The following ALDH1L1 variants were observed in gnomAD, a reference collection of about 807,000 sequenced individuals.
ALDH1L1 encodes the protein cytosolic 10-formyltetrahydrofolate dehydrogenase.
Under a neutral mutation model 101.1 loss-of-function variants are expected in ALDH1L1, and 68 were observed. The observed-to-expected ratio is 0.67, with a 90% confidence interval of 0.55 to 0.82. ALDH1L1 has a LOEUF of 0.82. Among genes scored for constraint, ALDH1L1 ranks in the 40% least tolerant of loss-of-function variants. The pLI, the probability that ALDH1L1 is intolerant of heterozygous loss-of-function variation, is 0.00. For missense variants in ALDH1L1, 1,087 were observed against 1,172.7 expected (o/e 0.93, Z 1.07); for synonymous variants, 486 against 470.8 (o/e 1.03, Z -0.42).
At chr3:126,123,635 C>CAAAAAAAAAA (rs10652286) in intron 16 of ALDH1L1, among the ~76,000 whole-genome samples, 1 of 128,870 alleles carries the variant, frequency 7.8e-6, no homozygotes, top group Non-Finnish European at 1.6e-5. Flanking sequence ...CAAAAAGCTG[C>CAAAAAAAAAA]AAAAAAAAAA....
At chr3:126,124,593 G>A (rs964404870) in intron 15 of ALDH1L1, 142 bp from the exon 16 acceptor site, 70 of 709,526 alleles carry the variant, frequency 9.9e-5, no homozygotes, top group Middle Eastern at 3.5e-4. Flanking sequence ...GAAGACCCCA[G>A]GAAAGCCACC....
chr3:126,169,532 G>T (rs7625575), intron 1 of ALDH1L1, among the ~76,000 whole-genome samples: 54,291 of 152,036 alleles, frequency 0.36, 10,180 homozygotes, highest in Middle Eastern at 0.47. Flanking sequence ...TATTTTGTGT[G>T]CACAGTCCCT....
At chr3:126,150,937 G>A (rs770157748) in intron 7 of ALDH1L1, 6 of 184,780 alleles carry the variant, frequency 3.2e-5, no homozygotes, top group East Asian at 3.1e-4. Flanking sequence ...TGTGCTGGGC[G>A]CTCCAGCCTT....
chr3:126,184,123 A>T (rs567696595), upstream of ALDH1L1, among the ~76,000 whole-genome samples: 1 of 152,210 alleles, frequency 6.6e-6, no homozygotes, highest in Non-Finnish European at 1.5e-5. Flanking sequence ...TTCATAGACC[A>T]GAGAGAGAAG....
chr3:126,157,283 A>G, intron 4 of ALDH1L1, 60 bp downstream of exon 4: 1 of 1,562,212 alleles, frequency 6.4e-7, no homozygotes, highest in Non-Finnish European at 8.7e-7. Context: ...GGCTGGGTCT[A>G]GGGAGGATGC....
In ALDH1L1 at chr3:126,117,923, GAC is replaced by G. The variant is rs1354861020; in HGVS notation, c.1982+80_1982+81del. ...CTGTGCCCTGGAGCCTGGGAAGCAG[GAC>G]ACAGCTCCTGGGACAGCACTGCCAT... On this transcript the variant is annotated intron_variant, in intron 17 of 22. Coordinates refer to ENST00000393434, the MANE Select transcript of ALDH1L1 (RefSeq NM_012190.4). The G allele has an allele frequency of 7.4e-6, 10 of 1,351,384 alleles. No homozygotes were observed. In the African/African-American group the frequency reaches 1.0e-4, roughly 14 times the overall value. The allele number at this position is 1,351,384 out of a possible 1,614,324, so 83.7% of individuals were successfully genotyped here.
At chr3:126,181,631 A>C, upstream of ALDH1L1, 1 of 154,250 alleles carries the variant, frequency 6.5e-6, no homozygotes, top group Non-Finnish European at 1.4e-5. Flanking sequence ...ACAGCACTTA[A>C]CTGTATATCT....
At chr3:126,154,996 C>T (rs1000503724) in intron 5 of ALDH1L1, among the ~76,000 whole-genome samples, 1 of 152,196 alleles carries the variant, frequency 6.6e-6, no homozygotes, top group Admixed American at 6.5e-5. Flanking sequence ...AACCCATACT[C>T]CTGAGCTGAG....
chr3:126,105,727 T>C lies in ALDH1L1; in HGVS notation c.2652A>G (p.Leu884=). ...ACCCCACAGGCAGGAGTAGGTTACCTAGATCTTTGCCAAATCCAGACTGTT... is the reference window on the plus strand; with the variant it reads ...ACCCCACAGGCAGGAGTAGGTTACCCAGATCTTTGCCAAATCCAGACTGTT... The part of the protein sequence containing the change: ...GFKQSGFGKD[L]GEAALNEYLR... The change falls in exon 22 of 23, where the codon CTA becomes CTG. Residue 884 remains leucine, a splice_region_variant and synonymous_variant. Coordinates refer to ENST00000393434, the MANE Select transcript of ALDH1L1 (RefSeq NM_012190.4). 1.2e-6 allele frequency: 2 copies of C among 1,614,208 alleles called. No individual in the cohort carries two copies. The highest frequency in any genetic ancestry group is 1.7e-6 in the Non-Finnish European group (2 of 1,180,024).
At chr3:126,112,238 G>C (rs1946100965) in intron 19 of ALDH1L1, among the ~76,000 whole-genome samples, 1 of 152,214 alleles carries the variant, frequency 6.6e-6, no homozygotes, top group South Asian at 2.1e-4. Context: ...GCCATGCAAG[G>C]TGGCTGCAGA....
rs990912047 is a variant in ALDH1L1 at position 126,177,620 on chromosome 3, C to T, written c.-24+2856G>A. ...GGCAGTGAAACTATTCTCTATGATA[C>T]TGTAACACTGGATACTCATCATTAT... On this transcript the variant is annotated intron_variant, in intron 1 of 22. Coordinates refer to ENST00000393434, the MANE Select transcript of ALDH1L1 (RefSeq NM_012190.4). Among the ~76,000 whole-genome samples the T allele has an allele frequency of 5.3e-5, 8 of 152,256 alleles. No homozygotes were observed. The South Asian group carries it at 6.2e-4, about 12-fold the overall frequency.
At chr3:126,149,753 C>G (rs569303826) in intron 8 of ALDH1L1, among the ~76,000 whole-genome samples, 2 of 152,290 alleles carry the variant, frequency 1.3e-5, no homozygotes, top group Admixed American at 6.5e-5. Flanking sequence ...CATGGTGACT[C>G]CCTGAACACA....
In ALDH1L1 at chr3:126,124,734, C is replaced by G. The variant is rs141588909; in HGVS notation, c.1801-283G>C. Among the ~76,000 whole-genome samples, 727 of 152,322 alleles carry G rather than the reference C, an allele frequency of 4.8e-3. 6 individuals carry two copies. The highest frequency in any genetic ancestry group is 0.016 in the African/African-American group (660 of 41,560). On this transcript the variant is annotated intron_variant, in intron 15 of 22. Coordinates refer to ENST00000393434, the MANE Select transcript of ALDH1L1 (RefSeq NM_012190.4). Reference sequence around the variant, plus strand: ...GGCCAGGCCTGGGTTCCCTTCTGCACAGCATAAGTTTCTAAAGCCAGAGGT... The same window carrying G: ...GGCCAGGCCTGGGTTCCCTTCTGCAGAGCATAAGTTTCTAAAGCCAGAGGT...
intron 16 of ALDH1L1, 35 bp from the exon 17 acceptor site, chr3:126,118,133 C>A (rs1427848094): frequency 1.3e-6 from 2 of 1,569,854 alleles, no homozygotes; most frequent in Non-Finnish European, 1.7e-6. Flanking sequence ...TCAGAGTGGT[C>A]CCCCTGGTGC....
At chr3:126,144,298 A>G in intron 9 of ALDH1L1, among the ~76,000 whole-genome samples, 1 of 152,236 alleles carries the variant, frequency 6.6e-6, no homozygotes, top group Admixed American at 6.5e-5. Context: ...AAAGTTATGT[A>G]CAATTTTTAT....
At chr3:126,191,607 G>C (rs1193365402) in intron 1 of ALDH1L1, among the ~76,000 whole-genome samples, 1 of 152,224 alleles carries the variant, frequency 6.6e-6, no homozygotes, top group Non-Finnish European at 1.5e-5. Context: ...TTAAGGAAAA[G>C]CTTGGAACCC....
At chr3:126,187,908 T>C (rs1036591222) in intron 1 of ALDH1L1, among the ~76,000 whole-genome samples, 5 of 151,644 alleles carry the variant, frequency 3.3e-5, no homozygotes, top group Non-Finnish European at 7.4e-5. Flanking sequence ...AAAAAAACCT[T>C]AAGCAAGTTT....
chr3:126,104,500 A>G (rs4646758), intron 22 of ALDH1L1: 93,300 of 152,684 alleles, frequency 0.61, 28,946 homozygotes, highest in African/African-American at 0.71. Context: ...GAGGGAGCTG[A>G]GGGAACTCGG....
rs551507789 is a variant in ALDH1L1, at chr3:126,126,115, C to T, written c.1695-394G>A. Among the ~76,000 whole-genome samples the T allele has an allele frequency of 2.6e-5, 4 of 152,186 alleles. No individual in the cohort carries two copies. In the South Asian group the frequency reaches 8.3e-4, roughly 32 times the overall value. On this transcript the variant is annotated intron_variant, in intron 14 of 22. Coordinates refer to ENST00000393434, the MANE Select transcript of ALDH1L1 (RefSeq NM_012190.4). The stretch of plus-strand genomic sequence containing the variant: ...GTCAGGAGGGCCTGGAGAGGGTCCT[C>T]CAGAGTGTGAGGCCAGGTGTCAATC...
Sources: allele counts gnomAD v4.1 joint callset (sites outside exome capture counted in the v4.1 genomes callset), GRCh38; gene constraint gnomAD v4.1.1; transcripts MANE v1.5; gene names NCBI Gene and HGNC (gene_info 2026-07-23, HGNC 2026-07-21).